PAOX: variants seen among roughly 807,000 people sequenced by gnomAD.
PAOX encodes polyamine oxidase, also known as peroxisomal N(1)-acetyl-spermine/spermidine oxidase.
PAOX carries 38 observed loss-of-function variants against 39.0 expected under a neutral mutation model. That is an observed-to-expected ratio of 0.97 (90% CI 0.75 to 1.28). PAOX has a LOEUF of 1.28. PAOX is among the 50% of genes most tolerant of loss of function. The probability of loss-of-function intolerance (pLI) is 0.00; values close to 1 mark genes in which losing one functional copy is unlikely to be tolerated. For missense variants in PAOX, 667 were observed against 685.7 expected, an observed-to-expected ratio of 0.97 and a Z score of 0.30; for synonymous variants, 311 against 314.4, an observed-to-expected ratio of 0.99 and a Z score of 0.11.
At chr10:133,381,785 G>C (rs1849391272) in intron 3 of PAOX, 126 bp downstream of exon 3, 1 of 897,734 alleles carries the variant, frequency 1.1e-6, no homozygotes, top group Non-Finnish European at 1.7e-6. Flanking sequence ...GTAAGTTCCA[G>C]ATAGGTGGAA....
chr10:133,391,372 G>C lies in PAOX; in HGVS notation c.1453G>C (p.Ala485Pro), dbSNP rs772982160. Residue 485 changes from alanine (A) to proline (P), a missense_variant, in exon 7 of 7, where the codon GCT (alanine) becomes CCT (proline). By Grantham distance (27) the Ala-to-Pro change is conservative. Transcript: ENST00000278060. ...HRTFYSTTHG[A>P]LLSGWREADR... ...CACGTTTTACTCCACGACGCACGGG[G>C]CTCTGCTGTCGGGATGGAGGGAGGC... 1 of 1,613,480 alleles carries C rather than the reference G, an allele frequency of 6.2e-7. No individual in the cohort carries two copies. Among genetic ancestry groups the C allele is most frequent in the Admixed American group, 1.7e-5 (1 of 60,026 alleles).
At chr10:133,383,519 C>T (rs2133464224) in intron 3 of PAOX, among the ~76,000 whole-genome samples, 1 of 151,252 alleles carries the variant, frequency 6.6e-6, no homozygotes, top group South Asian at 2.1e-4. Flanking sequence ...AGGAGAATCA[C>T]TAGAACCTGG....
At chr10:133,381,364 C>T in intron 2 of PAOX, 96 bp from the exon 3 acceptor site, 1 of 1,194,102 alleles carries the variant, frequency 8.4e-7, no homozygotes, top group Non-Finnish European at 1.2e-6. Context: ...CCCGCAGCTA[C>T]CTTTGATGCG....
intron 4 of PAOX, among the ~76,000 whole-genome samples, chr10:133,388,049 G>A (rs574743909): frequency 1.4e-3 from 210 of 152,280 alleles, no homozygotes; most frequent in Non-Finnish European, 2.7e-3. Context: ...ACATGAACTC[G>A]AGGATCAAGA....
chr10:133,383,619 A>G (rs1458100452), intron 3 of PAOX, among the ~76,000 whole-genome samples: 1 of 144,788 alleles, frequency 6.9e-6, no homozygotes, highest in Non-Finnish European at 1.5e-5. Context: ...AAAAAAAAAA[A>G]GAAAACCCAA....
In PAOX at chr10:133,389,741, C is replaced by A; in HGVS notation, c.1386C>A (p.Gly462=). The A allele has an allele frequency of 6.5e-7, 1 of 1,538,458 alleles. No individual in the cohort carries two copies. Among genetic ancestry groups the A allele is most frequent in the Non-Finnish European group, 8.8e-7 (1 of 1,141,706 alleles). The change falls in exon 6 of 7, where the codon GGC becomes GGA. Residue 462 remains glycine, a synonymous_variant. Coordinates refer to ENST00000278060, the MANE Select transcript of PAOX (RefSeq NM_152911.4). The part of the protein sequence containing the change: ...LAQPLPADGA[G]AQLQILFAGE... Reference sequence around the variant, plus strand: ...AGCCCCTCCCTGCAGACGGCGCCGGCGCCCAGGTATGTGGCGTGCCCCAGT... The same window carrying A: ...AGCCCCTCCCTGCAGACGGCGCCGGAGCCCAGGTATGTGGCGTGCCCCAGT...
chr10:133,380,883 C>A (rs760651055), intron 2 of PAOX, among the ~76,000 whole-genome samples: 9 of 152,210 alleles, frequency 5.9e-5, no homozygotes, highest in Admixed American at 2.0e-4. Context: ...GAGGCTGAGG[C>A]AGGAGAATTG....
Position 133,379,503 on chromosome 10 carries a change from C to G in PAOX, c.181+6C>G. The G allele has an allele frequency of 6.5e-6, 8 of 1,225,698 alleles. No individual in the cohort carries two copies. Among genetic ancestry groups the G allele is most frequent in the South Asian group, 4.1e-5 (1 of 24,106 alleles). The allele number at this position is 1,225,698 out of a possible 1,614,324, so 75.9% of individuals were successfully genotyped here. A position where few individuals can be genotyped will look rare whatever the true frequency, so the allele number is the denominator to read the frequency against. ...CCGCTCGGAGCGCTGCTTCGGTAAC[C>G]GCCCCTCCCGGAGCCCCTCCCGGAA... On this transcript the variant is annotated splice_donor_region_variant and intron_variant, in intron 1 of 6. Transcript: ENST00000278060.
In PAOX at chr10:133,389,462, C is replaced by A. The variant is rs1367310015; in HGVS notation, c.1235-128C>A. The A allele has an allele frequency of 9.5e-6, 13 of 1,361,810 alleles. No homozygotes were observed. In the East Asian group the frequency reaches 2.8e-4, roughly 29 times the overall value. The allele number at this position is 1,361,810 out of a possible 1,614,324, so 84.4% of individuals were successfully genotyped here. On this transcript the variant is annotated intron_variant, in intron 5 of 6. Coordinates refer to ENST00000278060, the MANE Select transcript of PAOX (RefSeq NM_152911.4). Reference sequence around the variant, plus strand: ...CAGGAAGAGCCTCTCCTGACACACTCTGCTGCTCACTTTTCTTCCTGCATA... The same window carrying A: ...CAGGAAGAGCCTCTCCTGACACACTATGCTGCTCACTTTTCTTCCTGCATA...
At chr10:133,387,839 A>G (rs1849567984) in intron 4 of PAOX, among the ~76,000 whole-genome samples, 3 of 152,132 alleles carry the variant, frequency 2.0e-5, no homozygotes, top group Admixed American at 6.5e-5. Context: ...TCCTGCCTCA[A>G]CCTGCCGAGT....
In PAOX at chr10:133,388,953, C is replaced by T; in HGVS notation, c.1122-3C>T. ...CATCCCAGGGCTCTCTTTCTCCATG[C>T]AGGTCTGTCCACGTTCTCTGTGGGT... On this transcript the variant is annotated splice_polypyrimidine_tract_variant and splice_region_variant and intron_variant, in intron 4 of 6. Transcript: ENST00000278060. 6.2e-7 allele frequency: 1 copy of T among 1,607,714 alleles called. No homozygotes were observed. The highest frequency in any genetic ancestry group is 8.5e-7 in the Non-Finnish European group (1 of 1,174,376).
chr10:133,389,446 C>A, intron 5 of PAOX, 144 bp from the exon 6 acceptor site: 2 of 1,236,074 alleles, frequency 1.6e-6, no homozygotes, highest in East Asian at 2.4e-5. Flanking sequence ...GCAGGAAGAG[C>A]CTCTCCTGAC....
Position 133,379,429 on chromosome 10 carries a change from T to C in PAOX, c.113T>C (p.Phe38Ser), listed in dbSNP as rs746779735. 6.5e-6 allele frequency: 8 copies of C among 1,224,136 alleles called. No individual in the cohort carries two copies. The East Asian group carries it at 2.6e-4, about 39-fold the overall frequency. The allele number at this position is 1,224,136 out of a possible 1,614,324, so 75.8% of individuals were successfully genotyped here. A position where few individuals can be genotyped will look rare whatever the true frequency, so the allele number is the denominator to read the frequency against. Residue 38 changes from phenylalanine to serine, a missense_variant, in exon 1 of 7, where the codon TTC (phenylalanine) becomes TCC (serine). Phe to Ser is a radical substitution (Grantham distance 155). Coordinates refer to ENST00000278060, the MANE Select transcript of PAOX (RefSeq NM_152911.4). Reference protein sequence around the residue: ...AAQRLCGHSAFPHLRVLEATA... With the variant: ...AAQRLCGHSASPHLRVLEATA... Reference sequence around the variant, plus strand: ...CAGAGGCTCTGCGGCCACTCCGCCTTCCCGCACCTGCGGGTCCTGGAGGCC... The same window carrying C: ...CAGAGGCTCTGCGGCCACTCCGCCTCCCCGCACCTGCGGGTCCTGGAGGCC...
rs1191782396 is a variant in PAOX, at chr10:133,379,433, G to T, written c.117G>T (p.Pro39=). 4.9e-6 allele frequency: 6 copies of T among 1,224,350 alleles called. No individual in the cohort carries two copies. The highest frequency in any genetic ancestry group is 6.2e-4 in the Middle Eastern group (2 of 3,202). The allele number at this position is 1,224,350 out of a possible 1,614,324, so 75.8% of individuals were successfully genotyped here. ...GGCTCTGCGGCCACTCCGCCTTCCC[G>T]CACCTGCGGGTCCTGGAGGCCACGG... is the stretch of plus-strand genomic sequence containing the variant. ...AQRLCGHSAF[P]HLRVLEATAR... The change falls in exon 1 of 7, where the codon CCG becomes CCT. Residue 39 remains proline (P), a synonymous_variant. Transcript: ENST00000278060.
At chr10:133,389,830 A>G (rs190892723) in intron 6 of PAOX, 83 bp downstream of exon 6, 39 of 1,352,360 alleles carry the variant, frequency 2.9e-5, no homozygotes, top group Middle Eastern at 5.5e-4. Context: ...AGCACCAGCC[A>G]GTGGCGGGTG....
chr10:133,385,314 A>G (rs1274067924), intron 4 of PAOX, among the ~76,000 whole-genome samples: 4 of 151,808 alleles, frequency 2.6e-5, no homozygotes, highest in African/African-American at 9.7e-5. Flanking sequence ...AAAGAAAGAA[A>G]ACTGGCATTC....
At position 133,380,256 on chromosome 10, in the gene PAOX, G is replaced by A. The variant is rs760508202; in HGVS notation, c.439G>A (p.Ala147Thr). 4.3e-6 allele frequency: 7 copies of A among 1,612,898 alleles called. No homozygotes were observed. Among genetic ancestry groups the A allele is most frequent in the Middle Eastern group, 1.6e-4 (1 of 6,062 alleles). Residue 147 changes from alanine (A) to threonine (T), a missense_variant, in exon 2 of 7, where the codon GCT becomes ACT. Ala to Thr is a moderately conservative substitution (Grantham distance 58). Transcript: ENST00000278060. The part of the protein sequence containing the change: ...LIDQTREFLH[A>T]AETPVPSVGE... The stretch of plus-strand genomic sequence containing the variant: ...AGACCAGACCCGGGAGTTCCTGCAC[G>A]CTGCAGAGACCCCGGTGCCCAGCGT...
Position 133,383,627 on chromosome 10 carries a change from CAAAAAACA to C in PAOX, c.869-319_869-312del, listed in dbSNP as rs202066595. On this transcript the variant is annotated intron_variant, in intron 3 of 6. Coordinates refer to ENST00000278060, the MANE Select transcript of PAOX (RefSeq NM_152911.4). ...CAAAAAAAAAAAAAAAAAGAAAACCCAAAAAACAAAAAAACAAAAAACACTTGTGTGAA... is the reference window on the plus strand; with the variant it reads ...CAAAAAAAAAAAAAAAAAGAAAACCCAAAAAACAAAAAACACTTGTGTGAA... 7.9e-3 allele frequency among the ~76,000 whole-genome samples: 1,181 copies of C among 149,828 alleles called. 16 individuals are homozygous for C. The highest frequency in any genetic ancestry group is 0.028 in the African/African-American group (1,121 of 40,738).
intron 1 of PAOX, 37 bp downstream of exon 1, chr10:133,379,534 C>G: frequency 8.2e-7 from 1 of 1,222,542 alleles, no homozygotes; most frequent in Non-Finnish European, 1.0e-6. Context: ...CGGAACCCAA[C>G]CGGCTGCGCC....
Sources: gnomAD v4.1 joint callset for allele counts (sites outside exome capture counted in the v4.1 genomes callset) on GRCh38, gnomAD v4.1.1 for gene constraint, MANE v1.5 for transcripts, NCBI Gene and HGNC (gene_info 2026-07-23, HGNC 2026-07-21) for gene names.